Variants in ARHGAP15 observed in about 807,000 individuals in gnomAD.
ARHGAP15 encodes the protein rho GTPase-activating protein 15.
ARHGAP15 carries 51 observed loss-of-function variants against 63.7 expected under a neutral mutation model. The observed-to-expected ratio is 0.80, with a 90% CI of 0.64 to 1.01. The LOEUF (loss-of-function observed/expected upper bound fraction) is 1.01, where lower values mean the gene tolerates loss of function less well. ARHGAP15 is among the 50% of genes least tolerant of loss of function. The probability of loss-of-function intolerance (pLI) is 0.00; values close to 1 mark genes in which losing one functional copy is unlikely to be tolerated. For synonymous variants in ARHGAP15, 191 were observed against 193.8 expected (o/e 0.99, Z 0.12); for missense variants, 560 against 564.6 (o/e 0.99, Z 0.08).
At chr2:143,373,829 CTT>C (rs891731798) in intron 6 of ARHGAP15, among the ~76,000 whole-genome samples, 1 of 151,840 alleles carries the variant, frequency 6.6e-6, no homozygotes, top group Non-Finnish European at 1.5e-5. Context: ...ATAAATATGA[CTT>C]AACATACTTA....
chr2:143,395,341 C>T (rs1309301049), intron 6 of ARHGAP15, among the ~76,000 whole-genome samples: 1 of 152,050 alleles, frequency 6.6e-6, no homozygotes, highest in Non-Finnish European at 1.5e-5. Flanking sequence ...TCCAGCCCCT[C>T]TTATATTTCT....
chr2:143,682,899 A>G (rs1026184576), intron 12 of ARHGAP15: 2 of 152,212 alleles, frequency 1.3e-5, no homozygotes, highest in African/African-American at 2.4e-5. Flanking sequence ...AGTCTGGTGT[A>G]ATAGCACAAG....
intron 6 of ARHGAP15, among the ~76,000 whole-genome samples, chr2:143,264,573 A>T (rs1489031427): frequency 6.6e-6 from 1 of 151,980 alleles, no homozygotes; most frequent in East Asian, 1.9e-4. Flanking sequence ...CCTATTGTCC[A>T]ATCTACTAAC....
At chr2:143,656,254 A>C (rs1441676446) in intron 12 of ARHGAP15, 1 of 152,222 alleles carries the variant, frequency 6.6e-6, no homozygotes, top group Non-Finnish European at 1.5e-5. Flanking sequence ...ATGTTAAGGA[A>C]TGTGGCAAAG....
intron 8 of ARHGAP15, among the ~76,000 whole-genome samples, chr2:143,468,941 T>C (rs1186398067): frequency 6.6e-6 from 1 of 152,184 alleles, no homozygotes. Context: ...ACCAAAATCA[T>C]GATTTGGAGA....
chr2:143,504,600 C>A (rs1693219283), intron 9 of ARHGAP15, among the ~76,000 whole-genome samples: 1 of 152,188 alleles, frequency 6.6e-6, no homozygotes. Flanking sequence ...AGTCATGGCT[C>A]CCTCCTGTGT....
At chr2:143,734,450 AC>A (rs1685666766) in intron 13 of ARHGAP15, among the ~76,000 whole-genome samples, 1 of 152,114 alleles carries the variant, frequency 6.6e-6, no homozygotes, top group African/African-American at 2.4e-5. Context: ...GTAGTCCAAA[AC>A]CCACGCTAAA....
intron 8 of ARHGAP15, among the ~76,000 whole-genome samples, chr2:143,439,988 A>C (rs1689804161): frequency 6.6e-6 from 1 of 152,112 alleles, no homozygotes; most frequent in Admixed American, 6.6e-5. Flanking sequence ...ACTAGCTCTA[A>C]TTTTAGAAAA....
intron 6 of ARHGAP15, among the ~76,000 whole-genome samples, chr2:143,310,195 G>T (rs1364427960): frequency 6.6e-6 from 1 of 152,046 alleles, no homozygotes; most frequent in Non-Finnish European, 1.5e-5. Flanking sequence ...CAGTATTACT[G>T]TGTTGTTTTG....
chr2:143,574,885 ATG>A (rs1370794225), intron 11 of ARHGAP15, among the ~76,000 whole-genome samples: 1 of 152,162 alleles, frequency 6.6e-6, no homozygotes, highest in East Asian at 1.9e-4. Flanking sequence ...TCTGGATAAA[ATG>A]TGTTACCTTA....
chr2:143,751,225 G>A (rs372054118), intron 13 of ARHGAP15, among the ~76,000 whole-genome samples: 5 of 152,198 alleles, frequency 3.3e-5, no homozygotes, highest in Non-Finnish European at 5.9e-5. Flanking sequence ...AGTTGTCTCC[G>A]GGAGGATGAA....
Position 143,280,494 on chromosome 2 carries a change from T to C in ARHGAP15, c.474+29894T>C, listed in dbSNP as rs909707454. 2.6e-5 allele frequency among the ~76,000 whole-genome samples: 4 copies of C among 152,172 alleles called. No individual in the cohort carries two copies. In the South Asian group the frequency reaches 6.2e-4, roughly 24 times the overall value. On this transcript the variant is annotated intron_variant, in intron 6 of 13. Coordinates refer to ENST00000295095, the MANE Select transcript of ARHGAP15 (RefSeq NM_018460.4). ...ACCAACCACTTACCTAAGTCAGGTA[T>C]TGGGCCCTGACCCTTCTCATCATAA...
At chr2:143,427,739 C>T (rs1234258700) in intron 6 of ARHGAP15, among the ~76,000 whole-genome samples, 1 of 151,980 alleles carries the variant, frequency 6.6e-6, no homozygotes, top group Admixed American at 6.6e-5. Flanking sequence ...TTCAGACTGC[C>T]ATTATCAATC....
intron 13 of ARHGAP15, among the ~76,000 whole-genome samples, chr2:143,741,795 C>T (rs1685973201): frequency 6.6e-6 from 1 of 152,178 alleles, no homozygotes; most frequent in African/African-American, 2.4e-5. Context: ...GGACATAAAA[C>T]TAATATGCAG....
At chr2:143,710,036 T>G (rs1372334791) in intron 13 of ARHGAP15, among the ~76,000 whole-genome samples, 1 of 152,238 alleles carries the variant, frequency 6.6e-6, no homozygotes, top group Non-Finnish European at 1.5e-5. Flanking sequence ...CTCCATTCTT[T>G]TTCTGTACAC....
chr2:143,649,744 G>A (rs1681069093), intron 12 of ARHGAP15, among the ~76,000 whole-genome samples: 1 of 151,878 alleles, frequency 6.6e-6, no homozygotes, highest in Non-Finnish European at 1.5e-5. Flanking sequence ...ACAAGGAAAT[G>A]AAAATGACAA....
chr2:143,589,969 G>T (rs1697258966), intron 11 of ARHGAP15, among the ~76,000 whole-genome samples: 2 of 152,150 alleles, frequency 1.3e-5, no homozygotes, highest in South Asian at 4.1e-4. Context: ...TATGATTCTA[G>T]AATATAGAAT....
At chr2:143,500,831 A>G (rs1051863027) in intron 9 of ARHGAP15, among the ~76,000 whole-genome samples, 1 of 152,208 alleles carries the variant, frequency 6.6e-6, no homozygotes, top group Non-Finnish European at 1.5e-5. Flanking sequence ...TTAGATATGT[A>G]GAGCAAAAGA....
intron 9 of ARHGAP15, among the ~76,000 whole-genome samples, chr2:143,493,854 A>G (rs1692697036): frequency 6.6e-6 from 1 of 152,176 alleles, no homozygotes; most frequent in African/African-American, 2.4e-5. Flanking sequence ...CGGTCTAAAA[A>G]ATACCTTCAG....
Sources: allele counts gnomAD v4.1 joint callset (sites outside exome capture counted in the v4.1 genomes callset), GRCh38; gene constraint gnomAD v4.1.1; transcripts MANE v1.5; gene names NCBI Gene and HGNC (gene_info 2026-07-23, HGNC 2026-07-21).